The following STMN4 variants were observed in gnomAD, a reference collection of about 807,000 sequenced individuals.
The protein encoded by STMN4 is stathmin 4.
STMN4 carries 12 observed loss-of-function variants against 29.1 expected under a neutral mutation model. The ratio of observed to expected loss-of-function variants is 0.41; its 90% CI spans 0.26 to 0.67. The LOEUF (loss-of-function observed/expected upper bound fraction) is 0.67, where lower values mean the gene tolerates loss of function less well. Among genes scored for constraint, STMN4 ranks in the 30% least tolerant of loss-of-function variants. STMN4 has a pLI of 0.30. For missense variants in STMN4, 181 were observed against 262.8 expected (o/e 0.69, Z 2.15); for synonymous variants, 114 against 105.3 (o/e 1.08, Z -0.51).
chr8:27,249,697 G>A (rs117147051), intron 1 of STMN4, among the ~76,000 whole-genome samples: 1,621 of 152,280 alleles, frequency 0.011, 18 homozygotes, highest in Middle Eastern at 0.031. Flanking sequence ...CCCCAGCAGG[G>A]CACTTTCATG....
chr8:27,250,793 A>G (rs1480353676), intron 1 of STMN4, among the ~76,000 whole-genome samples: 1 of 152,238 alleles, frequency 6.6e-6, no homozygotes, highest in Non-Finnish European at 1.5e-5. Context: ...AGCACCTATG[A>G]CAAAAGCAGA....
chr8:27,251,699 G>GT (rs1348506659), intron 1 of STMN4, among the ~76,000 whole-genome samples: 7 of 152,004 alleles, frequency 4.6e-5, no homozygotes, highest in African/African-American at 1.7e-4. Context: ...TTTCTTCTAG[G>GT]TTTTTTCCCC....
intron 1 of STMN4, among the ~76,000 whole-genome samples, chr8:27,253,789 G>GT (rs34189435): frequency 2.5e-4 from 37 of 147,136 alleles, no homozygotes; most frequent in African/African-American, 9.0e-4. Flanking sequence ...GAAAGGAATT[G>GT]TTTTTTTTTT....
intron 1 of STMN4, among the ~76,000 whole-genome samples, chr8:27,250,908 A>G (rs549851340): frequency 6.6e-6 from 1 of 152,264 alleles, no homozygotes; most frequent in Admixed American, 6.5e-5. Flanking sequence ...GCCCCAAATA[A>G]TCCACAATGA....
rs755336321 is a variant in STMN4, at chr8:27,236,812, C to T, written c.*34G>A. 15 of 1,569,626 alleles carry T rather than the reference C, an allele frequency of 9.6e-6. No individual in the cohort carries two copies. In the East Asian group the frequency reaches 1.2e-4, roughly 12 times the overall value. The stretch of plus-strand genomic sequence containing the variant: ...GGAACGTGGAGCTGCTGGAGCTGTC[C>T]GGCTGACCTGGAAAGTTCTTTGGCC... On this transcript the variant is annotated 3_prime_UTR_variant, in exon 7 of 7. Coordinates refer to ENST00000350889, the MANE Select transcript of STMN4 (RefSeq NM_030795.4).
chr8:27,242,177 G>C (rs534207742), intron 3 of STMN4: 2 of 589,758 alleles, frequency 3.4e-6, no homozygotes, highest in African/African-American at 3.7e-5. Context: ...AGTGCACTCT[G>C]GGGGGCGCCT....
At chr8:27,238,174 G>A (rs1304166286) in intron 6 of STMN4, among the ~76,000 whole-genome samples, 3 of 152,190 alleles carry the variant, frequency 2.0e-5, no homozygotes, top group Non-Finnish European at 4.4e-5. Flanking sequence ...TAGACAGCCA[G>A]GATTAGTGTT....
Position 27,235,588 on chromosome 8 carries a change from C to A in STMN4, c.*1258G>T, listed in dbSNP as rs1406228241. 2 of 152,172 alleles carry A rather than the reference C, an allele frequency of 1.3e-5. No individual in the cohort carries two copies. Among genetic ancestry groups the A allele is most frequent in the Non-Finnish European group, 2.9e-5 (2 of 68,060 alleles). The allele number at this position is 152,172 out of a possible 1,614,324, so 9.4% of individuals were successfully genotyped here. On this transcript the variant is annotated 3_prime_UTR_variant, in exon 7 of 7. Transcript: ENST00000350889. ...TTTCTAATCTACCTAGAATCTCAAA[C>A]CCCCAAAGCATGGAGGACTTCTGCT...
intron 1 of STMN4, among the ~76,000 whole-genome samples, chr8:27,249,815 C>A (rs1388156633): frequency 6.6e-6 from 1 of 152,158 alleles, no homozygotes; most frequent in Admixed American, 6.5e-5. Context: ...GTATGCCTGA[C>A]CTCTTAGTGC....
intron 2 of STMN4, 21 bp from the exon 3 acceptor site, chr8:27,242,513 G>T (rs371640832): frequency 4.3e-6 from 7 of 1,612,684 alleles, no homozygotes; most frequent in African/African-American, 2.7e-5. Context: ...ACCCAGTCAG[G>T]TGAGGATGGC....
intron 6 of STMN4, chr8:27,239,477 G>T: frequency 1.5e-6 from 1 of 689,242 alleles, no homozygotes; most frequent in Non-Finnish European, 2.4e-6. Flanking sequence ...GCAACATATT[G>T]GAAAGACCTG....
chr8:27,252,807 A>G (rs6557989), intron 1 of STMN4, among the ~76,000 whole-genome samples: 130,846 of 152,208 alleles, frequency 0.86, 58,798 homozygotes, highest in Non-Finnish European at 0.98. Flanking sequence ...CTAGATGTAA[A>G]TGCAATGGAT....
chr8:27,256,596 T>C (rs1801948784), intron 1 of STMN4, among the ~76,000 whole-genome samples: 1 of 150,084 alleles, frequency 6.7e-6, no homozygotes, highest in Non-Finnish European at 1.5e-5. Context: ...TATATGTACA[T>C]TTGTACACAC....
rs1219885467 is a variant in STMN4, at chr8:27,237,042, G to A, written c.592-137C>T. ...AGAGCTCTGTCTGCAAAGGCATCCC[G>A]AGAGGGGCAGAAGGTGGCAGGTGAG... On this transcript the variant is annotated intron_variant, in intron 6 of 6. Transcript: ENST00000350889. 6.8e-5 allele frequency: 58 copies of A among 855,396 alleles called. No individual in the cohort carries two copies. The Middle Eastern group carries it at 7.3e-4, about 11-fold the overall frequency. 53.0% of individuals were successfully genotyped at this position (855,396 alleles called of 1,614,324 possible). A position where few individuals can be genotyped will look rare whatever the true frequency, so the allele number is the denominator to read the frequency against.
intron 1 of STMN4, among the ~76,000 whole-genome samples, chr8:27,254,692 G>GT (rs1478039884): frequency 6.9e-6 from 1 of 145,628 alleles, no homozygotes; most frequent in African/African-American, 2.6e-5. Flanking sequence ...AGGGGATGGA[G>GT]TGGGAGCACT....
chr8:27,249,096 C>T (rs183898459), intron 1 of STMN4, among the ~76,000 whole-genome samples: 59 of 152,214 alleles, frequency 3.9e-4, no homozygotes, highest in Admixed American at 2.0e-3. Context: ...GGTGATAACC[C>T]CCCCCAAGCA....
chr8:27,238,019 G>A (rs138836922), intron 6 of STMN4, among the ~76,000 whole-genome samples: 25 of 152,276 alleles, frequency 1.6e-4, no homozygotes, highest in Non-Finnish European at 2.8e-4. Flanking sequence ...GAGGCCCCCA[G>A]GTTTTCAGGA....
chr8:27,251,604 T>C (rs1285840086), intron 1 of STMN4, among the ~76,000 whole-genome samples: 1 of 152,032 alleles, frequency 6.6e-6, no homozygotes, highest in African/African-American at 2.4e-5. Flanking sequence ...ATTACAAACA[T>C]ATTCACATTA....
intron 1 of STMN4, among the ~76,000 whole-genome samples, chr8:27,244,175 G>T (rs935523152): frequency 3.3e-5 from 5 of 152,182 alleles, no homozygotes; most frequent in Admixed American, 6.5e-5. Context: ...TGCAGAATCA[G>T]CTGGGAGGCA....
Sources: gnomAD v4.1 joint callset for allele counts (sites outside exome capture counted in the v4.1 genomes callset) on GRCh38, gnomAD v4.1.1 for gene constraint, MANE v1.5 for transcripts, NCBI Gene and HGNC (gene_info 2026-07-23, HGNC 2026-07-21) for gene names.